Variants in TDRP observed in about 807,000 individuals in gnomAD.
TDRP encodes the protein testis development-related protein.
TDRP carries 12 observed loss-of-function variants against 10.5 expected under a neutral mutation model. That is an observed-to-expected ratio of 1.15 (90% CI 0.73 to 1.86). The LOEUF is 1.86. Among genes scored for constraint, TDRP ranks in the 40% most tolerant of loss-of-function variants. The pLI, the probability that TDRP is intolerant of heterozygous loss-of-function variation, is 0.00. For missense variants in TDRP, 353 were observed against 229.2 expected (o/e 1.54, Z -3.49); for synonymous variants, 139 against 95.4 (o/e 1.46, Z -2.67).
intron 1 of TDRP, among the ~76,000 whole-genome samples, chr8:500,933 G>A (rs554840646): frequency 1.1e-3 from 160 of 152,342 alleles, no homozygotes; most frequent in Middle Eastern, 0.01. Flanking sequence ...CAGGCCGGGC[G>A]CGGTGTCTCA....
chr8:509,514 T>C (rs1455098080), intron 1 of TDRP, among the ~76,000 whole-genome samples: 1 of 152,202 alleles, frequency 6.6e-6, no homozygotes, highest in Non-Finnish European at 1.5e-5. Flanking sequence ...AACAATGGCC[T>C]GAGCTGTACC....
chr8:542,409 A>C (rs1349451875), intron 1 of TDRP, among the ~76,000 whole-genome samples: 6 of 151,908 alleles, frequency 3.9e-5, no homozygotes, highest in Non-Finnish European at 5.9e-5. Context: ...CACAGATTGT[A>C]ACAAACGCAC....
chr8:495,020 C>T, intron 1 of TDRP: 2 of 156,804 alleles, frequency 1.3e-5, no homozygotes, highest in Non-Finnish European at 2.8e-5. Context: ...TTACTTGAGC[C>T]CAGGAGTTCA....
intron 1 of TDRP, among the ~76,000 whole-genome samples, chr8:508,582 A>G (rs2116768512): frequency 6.6e-6 from 1 of 152,202 alleles, no homozygotes; most frequent in South Asian, 2.1e-4. Context: ...CATGCGGGAA[A>G]CCACCCCCAG....
At chr8:544,457 C>T (rs1055532093) in intron 1 of TDRP, among the ~76,000 whole-genome samples, 193 bp downstream of exon 1, 3 of 152,110 alleles carry the variant, frequency 2.0e-5, no homozygotes, top group Non-Finnish European at 2.9e-5. Flanking sequence ...CAGGACGAGC[C>T]TCGGGTCAAG....
intron 1 of TDRP, among the ~76,000 whole-genome samples, chr8:536,455 T>C (rs1447960122): frequency 1.3e-5 from 2 of 152,270 alleles, no homozygotes; most frequent in African/African-American, 4.8e-5. Context: ...CTTTTAAGTA[T>C]GTTTGGAAGA....
chr8:505,720 C>T (rs1801442114), intron 1 of TDRP, among the ~76,000 whole-genome samples: 1 of 152,196 alleles, frequency 6.6e-6, no homozygotes, highest in Non-Finnish European at 1.5e-5. Flanking sequence ...AATGATTACT[C>T]TCACAGCCCA....
intron 1 of TDRP, among the ~76,000 whole-genome samples, chr8:500,727 G>A (rs1001657455): frequency 1.1e-4 from 16 of 152,154 alleles, no homozygotes; most frequent in African/African-American, 3.4e-4. Context: ...CAGGTGTATC[G>A]GACTCCGGCC....
chr8:509,397 C>A (rs1025853807), intron 1 of TDRP, among the ~76,000 whole-genome samples: 2 of 152,190 alleles, frequency 1.3e-5, no homozygotes, highest in African/African-American at 4.8e-5. Flanking sequence ...TTCCATACAT[C>A]TCTGAAATCT....
chr8:507,234 T>C (rs1801491775), intron 1 of TDRP, among the ~76,000 whole-genome samples: 1 of 151,812 alleles, frequency 6.6e-6, no homozygotes, highest in South Asian at 2.1e-4. Context: ...CCTCAACACA[T>C]GGGGATTGCA....
intron 1 of TDRP, among the ~76,000 whole-genome samples, chr8:524,745 G>T (rs1011321229): frequency 3.9e-5 from 6 of 152,122 alleles, no homozygotes; most frequent in African/African-American, 1.4e-4. Context: ...ACAGGCTATT[G>T]AAAATACACA....
At position 540,125 on chromosome 8, in the gene TDRP, C is replaced by T. The variant is rs148009976; in HGVS notation, c.108+4525G>A. Reference sequence around the variant, plus strand: ...ACCATCCATGTTGAACAGATCTCTGCACTTCTTTTCTCTACTATTTGCATA... The same window carrying T: ...ACCATCCATGTTGAACAGATCTCTGTACTTCTTTTCTCTACTATTTGCATA... On this transcript the variant is annotated intron_variant, in intron 1 of 2. Coordinates refer to ENST00000324079, the MANE Select transcript of TDRP (RefSeq NM_001384899.1). 1.5e-4 allele frequency among the ~76,000 whole-genome samples: 23 copies of T among 152,320 alleles called. 1 individual carries two copies. The East Asian group carries it at 4.4e-3, about 29-fold the overall frequency.
At chr8:520,096 T>C (rs920103386) in intron 1 of TDRP, among the ~76,000 whole-genome samples, 2 of 152,328 alleles carry the variant, frequency 1.3e-5, no homozygotes, top group South Asian at 4.1e-4. Context: ...AGTTATATCC[T>C]GTGGTTGGGG....
At chr8:511,853 A>G (rs962731187) in intron 1 of TDRP, among the ~76,000 whole-genome samples, 12 of 152,210 alleles carry the variant, frequency 7.9e-5, no homozygotes. Context: ...GAAGGAAATC[A>G]GAAAATACTT....
At chr8:494,460 G>T in intron 2 of TDRP, 34 bp downstream of exon 2, 1 of 1,596,686 alleles carries the variant, frequency 6.3e-7, no homozygotes, top group South Asian at 1.1e-5. Flanking sequence ...TCCCTCTCCT[G>T]AAATGATCAT....
chr8:543,645 A>G (rs1379015022), intron 1 of TDRP, among the ~76,000 whole-genome samples: 1 of 152,168 alleles, frequency 6.6e-6, no homozygotes, highest in Admixed American at 6.5e-5. Context: ...CGCTTAACAT[A>G]ATCGGCTCCA....
chr8:513,724 C>T (rs1242773589), intron 1 of TDRP, among the ~76,000 whole-genome samples: 1 of 152,172 alleles, frequency 6.6e-6, no homozygotes, highest in East Asian at 1.9e-4. Context: ...TTGCTGATAA[C>T]ATGATCTTTT....
intron 1 of TDRP, among the ~76,000 whole-genome samples, chr8:498,444 T>C (rs1032847535): frequency 1.3e-5 from 2 of 152,180 alleles, no homozygotes; most frequent in Non-Finnish European, 2.9e-5. Context: ...TTTTTCCCTT[T>C]TGTTGTGGGT....
intron 1 of TDRP, among the ~76,000 whole-genome samples, chr8:537,222 A>G (rs1802370399): frequency 6.6e-6 from 1 of 152,194 alleles, no homozygotes; most frequent in South Asian, 2.1e-4. Flanking sequence ...TTGGGGATAC[A>G]GCACTGAGCA....
Sources: gnomAD v4.1 joint callset for allele counts (sites outside exome capture counted in the v4.1 genomes callset) on GRCh38, gnomAD v4.1.1 for gene constraint, MANE v1.5 for transcripts, NCBI Gene and HGNC (gene_info 2026-07-23, HGNC 2026-07-21) for gene names.